PHF8: variants seen among roughly 807,000 people sequenced by gnomAD.
PHF8 encodes the protein histone lysine demethylase PHF8.
In PHF8, 9 loss-of-function variants were observed where a neutral mutation model predicts 74.4. The ratio of observed to expected loss-of-function variants is 0.12; its 90% CI spans 0.07 to 0.21. The LOEUF (loss-of-function observed/expected upper bound fraction) is 0.21. Among genes scored for constraint, PHF8 ranks in the 10% least tolerant of loss-of-function variants. The pLI is 1.00. For synonymous variants in PHF8, 311 were observed against 316.6 expected, an observed-to-expected ratio of 0.98 and a Z score of 0.19; for missense variants, 478 against 816.6, an observed-to-expected ratio of 0.59 and a Z score of 5.05.
At chrX:53,965,188 C>T (rs1054164852) in intron 18 of PHF8, among the ~76,000 whole-genome samples, 2 of 111,791 alleles carry the variant, frequency 1.8e-5, no homozygotes, top group African/African-American at 6.5e-5. Context: ...CGCACGCACA[C>T]ACACACGAAG....
At chrX:53,988,656 C>G (rs781891637) in intron 14 of PHF8, among the ~76,000 whole-genome samples, 1 of 98,718 alleles carries the variant, frequency 1.0e-5, no homozygotes, top group East Asian at 3.2e-4. Context: ...GAGTCTCGCT[C>G]TGTCACCCAG....
chrX:53,961,344 C>T (rs1457172248), intron 19 of PHF8, among the ~76,000 whole-genome samples: 1 of 103,822 alleles, frequency 9.6e-6, no homozygotes, highest in African/African-American at 3.5e-5. Flanking sequence ...TTTTTTTCCC[C>T]GAGACGGAGT....
chrX:54,034,832 A>AG (rs2066423855), intron 2 of PHF8, among the ~76,000 whole-genome samples: 1 of 104,116 alleles, frequency 9.6e-6, no homozygotes, highest in Admixed American at 1.0e-4. Context: ...TCAAAAAAAA[A>AG]AAAAAAAAAA....
chrX:53,965,616 C>T (rs1418726081), intron 18 of PHF8, among the ~76,000 whole-genome samples: 2 of 112,130 alleles, frequency 1.8e-5, no homozygotes, highest in African/African-American at 6.5e-5. Context: ...TCCTGCCTTC[C>T]AAACAAACAA....
rs2065686503 is a variant in PHF8, at chrX:53,992,755, G to A, written c.1711C>T (p.Leu571=). Reference sequence around the variant, plus strand: ...CCTCACCTGCCGTTAGACATCAATAGGGCCAATGGGCTCTCATTTCCATCA... The same window carrying A: ...CCTCACCTGCCGTTAGACATCAATAAGGCCAATGGGCTCTCATTTCCATCA... The part of the protein sequence containing the change: ...DLDGNESPLA[L]LMSNGSTKRV... The change falls in exon 14 of 22, where the codon CTA becomes TTA. Residue 571 remains leucine, a synonymous_variant. Coordinates refer to ENST00000338154, the MANE Select transcript of PHF8 (RefSeq NM_015107.3). 2 of 1,184,047 alleles carry A rather than the reference G, an allele frequency of 1.7e-6. No individual in the cohort carries two copies. The highest frequency in any genetic ancestry group is 1.8e-5 in the African/African-American group (1 of 56,364).
intron 19 of PHF8, among the ~76,000 whole-genome samples, chrX:53,961,616 G>C (rs1557090873): frequency 9.0e-6 from 1 of 111,231 alleles, no homozygotes; most frequent in East Asian, 2.8e-4. Context: ...ACCAGGCCCG[G>C]CCCCAATTTT....
At chrX:53,985,752 C>T in intron 17 of PHF8, 64 bp downstream of exon 17, 1 of 1,209,361 alleles carries the variant, frequency 8.3e-7, no homozygotes, top group Non-Finnish European at 1.1e-6. Context: ...GACCTGGCAC[C>T]TTGGGCGGGA....
At chrX:53,967,589 C>T (rs1327426349) in intron 18 of PHF8, among the ~76,000 whole-genome samples, 1 of 113,875 alleles carries the variant, frequency 8.8e-6, no homozygotes, top group African/African-American at 3.2e-5. Flanking sequence ...CCCCTCTGCC[C>T]GGCCACCACC....
chrX:54,038,318 T>G (rs782747428), intron 2 of PHF8, among the ~76,000 whole-genome samples: 4 of 112,515 alleles, frequency 3.6e-5, no homozygotes, highest in African/African-American at 1.3e-4. Flanking sequence ...TTCATTCCAA[T>G]TTTTCTGTAC....
chrX:53,997,799 C>G (rs2065770680), intron 11 of PHF8, among the ~76,000 whole-genome samples: 1 of 111,533 alleles, frequency 9.0e-6, no homozygotes, highest in Admixed American at 9.5e-5. Flanking sequence ...AGATGAAACC[C>G]AAGGTAGCCA....
At chrX:54,043,487 A>G (rs2066598483) in intron 1 of PHF8, among the ~76,000 whole-genome samples, 1 of 111,040 alleles carries the variant, frequency 9.0e-6, no homozygotes, top group Admixed American at 9.6e-5. Flanking sequence ...ATAAATCTCT[A>G]AACTGACCAG....
intron 18 of PHF8, among the ~76,000 whole-genome samples, chrX:53,983,328 T>C (rs1603311752): frequency 9.0e-6 from 1 of 111,471 alleles, no homozygotes; most frequent in Non-Finnish European, 1.9e-5. Context: ...ATCTAGAATA[T>C]ATAAGGAACT....
intron 9 of PHF8, 84 bp downstream of exon 9, chrX:54,002,511 C>T: frequency 9.5e-6 from 6 of 632,172 alleles, no homozygotes; most frequent in South Asian, 6.8e-5. Context: ...TCCTTTCTGG[C>T]CATGTCCCCT....
In PHF8 at chrX:53,963,057, C is replaced by T. The variant is rs781862552; in HGVS notation, c.2444-118G>A. ...AAATGTACCTTTTACTTAATCCATACTCAACTCCAAGAGTCTCTGAATGTA... is the reference window on the plus strand; with the variant it reads ...AAATGTACCTTTTACTTAATCCATATTCAACTCCAAGAGTCTCTGAATGTA... On this transcript the variant is annotated intron_variant, in intron 18 of 21. Coordinates refer to ENST00000338154, the MANE Select transcript of PHF8 (RefSeq NM_015107.3). 1.5e-4 allele frequency: 78 copies of T among 531,203 alleles called. No individual in the cohort carries two copies. In the Middle Eastern group the frequency reaches 3.9e-3, roughly 27 times the overall value. The allele number at this position is 531,203 out of a possible 1,213,427, so 43.8% of individuals were successfully genotyped here. A position where few individuals can be genotyped will look rare whatever the true frequency, so the allele number is the denominator to read the frequency against.
intron 19 of PHF8, among the ~76,000 whole-genome samples, chrX:53,954,515 A>G (rs2064982777): frequency 3.8e-5 from 4 of 104,963 alleles, no homozygotes; most frequent in Middle Eastern, 9.7e-3. Context: ...AAAAAAAAAA[A>G]AAAAAAAAAG....
chrX:53,939,562 C>T (rs1479567255), intron 21 of PHF8, among the ~76,000 whole-genome samples: 1 of 111,434 alleles, frequency 9.0e-6, no homozygotes, highest in East Asian at 2.8e-4. Context: ...TACTTCCATA[C>T]CCTCTTATCC....
chrX:53,980,827 T>C (rs1365863407), intron 18 of PHF8, among the ~76,000 whole-genome samples: 18 of 112,463 alleles, frequency 1.6e-4, no homozygotes, highest in Non-Finnish European at 3.2e-4. Flanking sequence ...AAAGAAGAGA[T>C]ACATACAAGA....
intron 18 of PHF8, among the ~76,000 whole-genome samples, chrX:53,977,931 C>T (rs1489795665): frequency 1.2e-4 from 13 of 105,534 alleles, no homozygotes; most frequent in East Asian, 3.0e-4. Flanking sequence ...CAGGCGTCAG[C>T]CACTGCGCCC....
chrX:54,018,286 G>A (rs371624825), intron 4 of PHF8, among the ~76,000 whole-genome samples: 5 of 110,658 alleles, frequency 4.5e-5, no homozygotes, highest in Non-Finnish European at 7.6e-5. Flanking sequence ...TTCTAAACCC[G>A]TCTCCACAAA....
Sources: gnomAD v4.1 joint callset for allele counts (sites outside exome capture counted in the v4.1 genomes callset) on GRCh38, gnomAD v4.1.1 for gene constraint, MANE v1.5 for transcripts, NCBI Gene and HGNC (gene_info 2026-07-23, HGNC 2026-07-21) for gene names.